The following AMPH variants were observed in gnomAD, a reference collection of about 807,000 sequenced individuals.
AMPH encodes the protein amphiphysin.
Under a neutral mutation model 99.1 loss-of-function variants are expected in AMPH, and 49 were observed. That is an observed-to-expected ratio of 0.49 (90% CI 0.39 to 0.63). The LOEUF (loss-of-function observed/expected upper bound fraction) is 0.63. AMPH is among the 20% of genes least tolerant of loss of function. The pLI is 0.00. For missense variants in AMPH, 759 were observed against 863.4 expected (o/e 0.88, Z 1.52); for synonymous variants, 314 against 317.3 (o/e 0.99, Z 0.11).
intron 1 of AMPH, among the ~76,000 whole-genome samples, chr7:38,576,227 G>T (rs371304290): frequency 1.3e-5 from 2 of 152,228 alleles, no homozygotes; most frequent in African/African-American, 4.8e-5. Flanking sequence ...ACTTTGGAAA[G>T]GTCTAATTAA....
chr7:38,394,100 C>A lies in AMPH; in HGVS notation c.1513G>T (p.Val505Leu). The A allele has an allele frequency of 6.2e-7, 1 of 1,614,200 alleles. No individual in the cohort carries two copies. The change falls in exon 18 of 21, where the codon GTA becomes TTA. Residue 505 changes from valine to leucine, a missense_variant. Around this residue, in one of 2 missense-constraint regions of AMPH, gnomAD observed 554 missense variants for 575.6 expected, o/e 0.96. Transcript: ENST00000356264. ...CCAATTTTGGCCTCCTCTAAACTTA[C>A]TCCTTCCCCGGCAGGGACAGTGGCC... ...EKATVPAGEGVSLEEAKIGTE... is the reference protein window; with the variant it reads ...EKATVPAGEGLSLEEAKIGTE...
rs866751097 is a variant in AMPH at position 38,605,840 on chromosome 7, T to G, written c.69+25443A>C. 2.3e-4 allele frequency among the ~76,000 whole-genome samples: 35 copies of G among 152,162 alleles called. 1 individual carries two copies. Among genetic ancestry groups the G allele is most frequent in the Middle Eastern group, 6.3e-3 (2 of 316 alleles). On this transcript the variant is annotated intron_variant, in intron 1 of 20. Coordinates refer to ENST00000356264, the MANE Select transcript of AMPH (RefSeq NM_001635.4). ...CAGGTGATTCACCCGCCTCCCAAAGTGCTGGCATTACAGGCGTGAGCCACC... is the reference window on the plus strand; with the variant it reads ...CAGGTGATTCACCCGCCTCCCAAAGGGCTGGCATTACAGGCGTGAGCCACC...
intron 1 of AMPH, among the ~76,000 whole-genome samples, chr7:38,559,552 G>C (rs573280252): frequency 6.6e-6 from 1 of 152,272 alleles, no homozygotes; most frequent in East Asian, 1.9e-4. Flanking sequence ...GTTCCACCTT[G>C]TCTCTCTGAC....
intron 2 of AMPH, among the ~76,000 whole-genome samples, chr7:38,505,356 A>C (rs1312548253): frequency 6.6e-6 from 1 of 152,126 alleles, no homozygotes; most frequent in Non-Finnish European, 1.5e-5. Flanking sequence ...AGCTCAGGTT[A>C]TTTTTGCAGC....
At chr7:38,401,366 C>T (rs1258935622) in intron 17 of AMPH, among the ~76,000 whole-genome samples, 1 of 152,194 alleles carries the variant, frequency 6.6e-6, no homozygotes, top group Admixed American at 6.5e-5. Flanking sequence ...GTGCCCACCA[C>T]CTAGGATCCT....
intron 1 of AMPH, among the ~76,000 whole-genome samples, chr7:38,557,503 C>T (rs1047941061): frequency 1.4e-4 from 21 of 152,318 alleles, no homozygotes; most frequent in African/African-American, 5.1e-4. Context: ...CTTCTCCTTG[C>T]TGCTGCCACG....
intron 1 of AMPH, among the ~76,000 whole-genome samples, chr7:38,603,860 C>G (rs1040903795): frequency 6.6e-6 from 1 of 152,138 alleles, no homozygotes; most frequent in South Asian, 2.1e-4. Context: ...GTATTCAGAC[C>G]GTGCTCTCAT....
intron 1 of AMPH, among the ~76,000 whole-genome samples, chr7:38,583,541 T>C (rs1390189060): frequency 6.6e-6 from 1 of 152,220 alleles, no homozygotes; most frequent in Non-Finnish European, 1.5e-5. Flanking sequence ...TAGACATTCA[T>C]AGTGAAGCCT....
At position 38,445,008 on chromosome 7, in the gene AMPH, T is replaced by TACACACAC. The variant is rs1218165105; in HGVS notation, c.1018-8621_1018-8620insGTGTGTGT. ...ATATATACATATATATATATATATATATACACACACACACACGGTATATAC... is the reference window on the plus strand; with the variant it reads ...ATATATACATATATATATATATATATACACACACATACACACACACACACGGTATATAC... On this transcript the variant is annotated intron_variant, in intron 11 of 20. Transcript: ENST00000356264. Among the ~76,000 whole-genome samples the TACACACAC allele has an allele frequency of 1.4e-4, 15 of 108,862 alleles. No homozygotes were observed. The East Asian group carries it at 4.3e-3, about 31-fold the overall frequency. 71.4% of individuals were successfully genotyped at this position (108,862 alleles called of 152,430 possible).
chr7:38,529,334 C>T (rs574810001), intron 2 of AMPH, among the ~76,000 whole-genome samples: 1 of 152,346 alleles, frequency 6.6e-6, no homozygotes, highest in African/African-American at 2.4e-5. Context: ...CTTGTAAAAA[C>T]TTGCATGAGT....
At chr7:38,531,817 A>C (rs933375195) in intron 2 of AMPH, among the ~76,000 whole-genome samples, 2 of 152,196 alleles carry the variant, frequency 1.3e-5, no homozygotes, top group African/African-American at 4.8e-5. Context: ...TAAAATATAT[A>C]TACTCGTAGA....
rs113789709 is a variant in AMPH at position 38,390,188 on chromosome 7, C to T, written c.1879-283G>A. On this transcript the variant is annotated intron_variant, in intron 19 of 20. Transcript: ENST00000356264. Reference sequence around the variant, plus strand: ...TTGTTAGAGATTTGCATTTTATTATCGCTGATGCTTTATTACTGTTTGTTG... The same window carrying T: ...TTGTTAGAGATTTGCATTTTATTATTGCTGATGCTTTATTACTGTTTGTTG... 1.1e-4 allele frequency among the ~76,000 whole-genome samples: 17 copies of T among 152,244 alleles called. 1 individual carries two copies. Among genetic ancestry groups the T allele is most frequent in the South Asian group, 4.1e-4 (2 of 4,822 alleles).
chr7:38,559,754 T>G (rs1791492083), intron 1 of AMPH, among the ~76,000 whole-genome samples: 1 of 152,216 alleles, frequency 6.6e-6, no homozygotes, highest in Admixed American at 6.5e-5. Flanking sequence ...GCATAATTAG[T>G]AAGTGATAGA....
In AMPH at chr7:38,622,454, T is replaced by TACACACACACAC. The variant is rs57860314; in HGVS notation, c.69+8817_69+8828dup. 4.1e-3 allele frequency among the ~76,000 whole-genome samples: 608 copies of TACACACACACAC among 149,816 alleles called. 6 individuals are homozygous for TACACACACACAC. The highest frequency in any genetic ancestry group is 0.013 in the African/African-American group (540 of 40,690). Reference sequence around the variant, plus strand: ...CTATATATTTGTATGTATGAATACATACACACACACACACACACACACACG... The same window carrying TACACACACACAC: ...CTATATATTTGTATGTATGAATACATACACACACACACACACACACACACACACACACACACG... On this transcript the variant is annotated intron_variant, in intron 1 of 20. Coordinates refer to ENST00000356264, the MANE Select transcript of AMPH (RefSeq NM_001635.4).
At chr7:38,470,134 C>G (rs1787824604) in intron 7 of AMPH, among the ~76,000 whole-genome samples, 1 of 152,158 alleles carries the variant, frequency 6.6e-6, no homozygotes, top group African/African-American at 2.4e-5. Context: ...TGTCCTGATC[C>G]CCTGTTTGCC....
intron 3 of AMPH, among the ~76,000 whole-genome samples, chr7:38,501,694 C>A (rs1252451044): frequency 2.0e-5 from 3 of 150,734 alleles, no homozygotes; most frequent in Non-Finnish European, 4.4e-5. Context: ...TGTTTATATT[C>A]AGTTCTATAC....
At chr7:38,483,973 G>A (rs1268975967) in intron 5 of AMPH, among the ~76,000 whole-genome samples, 1 of 151,934 alleles carries the variant, frequency 6.6e-6, no homozygotes, top group Non-Finnish European at 1.5e-5. Flanking sequence ...TAAGTGAACT[G>A]AAAAATTCAC....
Position 38,387,385 on chromosome 7 carries a change from G to C in AMPH, c.1980+2419C>G, listed in dbSNP as rs558320187. On this transcript the variant is annotated intron_variant, in intron 20 of 20. Coordinates refer to ENST00000356264, the MANE Select transcript of AMPH (RefSeq NM_001635.4). ...ATTTGTTCAAGTATATAAATTGAGAGACAGTAATAATGAAAGACTATAAGT... is the reference window on the plus strand; with the variant it reads ...ATTTGTTCAAGTATATAAATTGAGACACAGTAATAATGAAAGACTATAAGT... 2.6e-5 allele frequency among the ~76,000 whole-genome samples: 4 copies of C among 152,230 alleles called. No individual in the cohort carries two copies. In the South Asian group the frequency reaches 8.3e-4, roughly 32 times the overall value.
At chr7:38,609,761 T>C (rs1224670010) in intron 1 of AMPH, among the ~76,000 whole-genome samples, 2 of 148,870 alleles carry the variant, frequency 1.3e-5, no homozygotes, top group African/African-American at 2.5e-5. Context: ...GCAGGTGCTG[T>C]GTTAATGAAT....
Sources: allele counts gnomAD v4.1 joint callset (sites outside exome capture counted in the v4.1 genomes callset), GRCh38; gene constraint gnomAD v4.1.1; regional missense constraint gnomAD v4.1.1; transcripts MANE v1.5; gene names NCBI Gene and HGNC (gene_info 2026-07-23, HGNC 2026-07-21).